Variants in GRIN2B observed in about 807,000 individuals in gnomAD.
The protein encoded by GRIN2B is glutamate ionotropic receptor NMDA type subunit 2B, also known as glutamate receptor ionotropic, NMDA 2B.
A neutral mutation model predicts 114.5 loss-of-function variants in GRIN2B; 5 were observed. That is an observed-to-expected ratio of 0.04 (90% CI 0.02 to 0.09). The LOEUF (loss-of-function observed/expected upper bound fraction) is 0.09, where lower values mean the gene tolerates loss of function less well. Among genes scored for constraint, GRIN2B ranks in the 10% least tolerant of loss-of-function variants. GRIN2B has a pLI of 1.00. For synonymous variants in GRIN2B, 787 were observed against 745.1 expected, an observed-to-expected ratio of 1.06 and a Z score of -0.92; for missense variants, 1,108 against 1,943.5, an observed-to-expected ratio of 0.57 and a Z score of 8.08.
chr12:13,755,484 C>A (rs906251890), intron 3 of GRIN2B, among the ~76,000 whole-genome samples: 12 of 152,122 alleles, frequency 7.9e-5, no homozygotes, highest in Non-Finnish European at 1.6e-4. Flanking sequence ...TGGTGCTCAC[C>A]AGCACTCTCT....
At chr12:13,677,447 T>A (rs1309672998) in intron 4 of GRIN2B, among the ~76,000 whole-genome samples, 1 of 152,180 alleles carries the variant, frequency 6.6e-6, no homozygotes, top group Non-Finnish European at 1.5e-5. Context: ...TTTCCAGAAC[T>A]ACCTGGGATG....
At chr12:13,577,858 CAT>C (rs1948798066) in intron 10 of GRIN2B, among the ~76,000 whole-genome samples, 1 of 152,292 alleles carries the variant, frequency 6.6e-6, no homozygotes, top group Non-Finnish European at 1.5e-5. Context: ...GAGTCAGAAA[CAT>C]AAACATTCAT....
intron 5 of GRIN2B, chr12:13,670,315 G>C (rs528774027): frequency 1.8e-4 from 28 of 152,154 alleles, no homozygotes; most frequent in African/African-American, 6.7e-4. Flanking sequence ...AAGAGGGAGT[G>C]GGCTTATAAA....
chr12:13,850,673 A>G (rs892154938), intron 3 of GRIN2B, among the ~76,000 whole-genome samples: 2 of 152,198 alleles, frequency 1.3e-5, no homozygotes, highest in African/African-American at 4.8e-5. Flanking sequence ...GAGGAAGTCA[A>G]CTTTGCCAGG....
At chr12:13,802,371 T>C (rs1029268855) in intron 3 of GRIN2B, among the ~76,000 whole-genome samples, 5 of 152,108 alleles carry the variant, frequency 3.3e-5, no homozygotes, top group Admixed American at 1.3e-4. Context: ...TCAACACACA[T>C]ACTAGTTTAA....
intron 3 of GRIN2B, among the ~76,000 whole-genome samples, chr12:13,818,367 T>C (rs1864869799): frequency 6.6e-6 from 1 of 152,248 alleles, no homozygotes; most frequent in Non-Finnish European, 1.5e-5. Flanking sequence ...TACTAATTCA[T>C]GCCCTGGTTG....
intron 3 of GRIN2B, among the ~76,000 whole-genome samples, chr12:13,786,245 A>G (rs1256348689): frequency 6.6e-6 from 1 of 152,186 alleles, no homozygotes; most frequent in African/African-American, 2.4e-5. Flanking sequence ...TAGAGGGAGA[A>G]ATTAAGCCTA....
chr12:13,879,026 A>T (rs1380984689), intron 2 of GRIN2B, among the ~76,000 whole-genome samples: 1 of 152,214 alleles, frequency 6.6e-6, no homozygotes, highest in Admixed American at 6.5e-5. Flanking sequence ...TTTGGTCGGA[A>T]TCTGATTCAT....
At chr12:13,625,633 G>A (rs1949557687) in intron 5 of GRIN2B, among the ~76,000 whole-genome samples, 1 of 152,130 alleles carries the variant, frequency 6.6e-6, no homozygotes, top group Admixed American at 6.5e-5. Flanking sequence ...TGTGCAAGTG[G>A]CTTGCAATTG....
intron 4 of GRIN2B, among the ~76,000 whole-genome samples, chr12:13,702,068 CATTA>C (rs1331115440): frequency 2.6e-5 from 4 of 152,210 alleles, no homozygotes; most frequent in African/African-American, 4.8e-5. Flanking sequence ...CAAATAATCA[CATTA>C]ATTAAGATTT....
chr12:13,735,198 A>C (rs1296191938), intron 4 of GRIN2B, among the ~76,000 whole-genome samples: 1 of 152,244 alleles, frequency 6.6e-6, no homozygotes, highest in Admixed American at 6.5e-5. Flanking sequence ...TATTTGAGCC[A>C]ATAAAACATG....
At chr12:13,784,167 T>C (rs1864176809) in intron 3 of GRIN2B, among the ~76,000 whole-genome samples, 1 of 135,378 alleles carries the variant, frequency 7.4e-6, no homozygotes, top group Non-Finnish European at 1.5e-5. Context: ...GAGCTTGCAG[T>C]GAGCCAAGAT....
At chr12:13,717,076 T>C (rs930041642) in intron 4 of GRIN2B, among the ~76,000 whole-genome samples, 35 of 142,550 alleles carry the variant, frequency 2.5e-4, no homozygotes, top group Middle Eastern at 3.4e-3. Flanking sequence ...CGTGTGTGTG[T>C]GTGTGTGTGT....
intron 2 of GRIN2B, among the ~76,000 whole-genome samples, chr12:13,914,943 A>G (rs1417873522): frequency 6.6e-6 from 1 of 152,098 alleles, no homozygotes; most frequent in Non-Finnish European, 1.5e-5. Flanking sequence ...GGATAAAGAG[A>G]GGTTAATTAA....
chr12:13,966,089 C>T (rs889086558), intron 2 of GRIN2B, among the ~76,000 whole-genome samples: 4 of 152,148 alleles, frequency 2.6e-5, no homozygotes, highest in South Asian at 2.1e-4. Context: ...TTCCTCTTGA[C>T]GGCATAATTT....
rs140437761 is a variant in GRIN2B at position 13,739,295 on chromosome 12, A to G, written c.1010+14022T>C. Among the ~76,000 whole-genome samples the G allele has an allele frequency of 6.6e-3, 951 of 145,090 alleles. 5 individuals are homozygous for G. Among genetic ancestry groups the G allele is most frequent in the Middle Eastern group, 0.05 (14 of 280 alleles). On this transcript the variant is annotated intron_variant, in intron 4 of 13. Coordinates refer to ENST00000609686, the MANE Select transcript of GRIN2B (RefSeq NM_000834.5). ...GAGGCTGAGGCAGGAGAATCGCTGAACCTAGGAGGCGGAGGTTGTGGTGAG... is the reference window on the plus strand; with the variant it reads ...GAGGCTGAGGCAGGAGAATCGCTGAGCCTAGGAGGCGGAGGTTGTGGTGAG...
chr12:13,957,521 A>G (rs955510863), intron 2 of GRIN2B, among the ~76,000 whole-genome samples: 1 of 152,142 alleles, frequency 6.6e-6, no homozygotes, highest in African/African-American at 2.4e-5. Flanking sequence ...GCTATAATAT[A>G]TTAGAGCCCC....
chr12:13,553,041 C>G lies in GRIN2B; in HGVS notation c.*9742G>C, dbSNP rs553102705. 1 of 152,304 alleles carries G rather than the reference C, an allele frequency of 6.6e-6. No individual in the cohort carries two copies. The highest frequency in any genetic ancestry group is 1.5e-5 in the Non-Finnish European group (1 of 68,020). The allele number at this position is 152,304 out of a possible 1,614,324, so 9.4% of individuals were successfully genotyped here. On this transcript the variant is annotated 3_prime_UTR_variant, in exon 14 of 14. Transcript: ENST00000609686. ...ATAGCCAATGGCATAATGAGATTTA[C>G]AGAGAAGGCTGGCCGGGAGAAGGAA...
chr12:13,788,979 AC>A (rs1479328548), intron 3 of GRIN2B, among the ~76,000 whole-genome samples: 1 of 152,202 alleles, frequency 6.6e-6, no homozygotes. Flanking sequence ...TAATTTGCTG[AC>A]CATCCGATTA....
Sources: allele counts gnomAD v4.1 joint callset (sites outside exome capture counted in the v4.1 genomes callset), GRCh38; gene constraint gnomAD v4.1.1; transcripts MANE v1.5; gene names NCBI Gene and HGNC (gene_info 2026-07-23, HGNC 2026-07-21).